Variants in PRKAR1B observed in about 807,000 individuals in gnomAD.
PRKAR1B encodes the protein protein kinase cAMP-dependent type I regulatory subunit beta, also known as cAMP-dependent protein kinase type I-beta regulatory subunit.
Under a neutral mutation model 46.5 loss-of-function variants are expected in PRKAR1B, and 22 were observed. The observed-to-expected ratio is 0.47, with a 90% CI of 0.34 to 0.68. PRKAR1B has a LOEUF of 0.68. PRKAR1B is among the 30% of genes least tolerant of loss of function. The pLI is 0.01. For missense variants in PRKAR1B, 445 were observed against 535.6 expected, an observed-to-expected ratio of 0.83 and a Z score of 1.67; for synonymous variants, 259 against 217.7, an observed-to-expected ratio of 1.19 and a Z score of -1.67.
At chr7:574,630 G>T (rs534259331) in intron 9 of PRKAR1B, among the ~76,000 whole-genome samples, 1 of 152,300 alleles carries the variant, frequency 6.6e-6, no homozygotes, top group East Asian at 1.9e-4. Flanking sequence ...TTTTAGTAGA[G>T]ATGGGGTTTC....
intron 2 of PRKAR1B, among the ~76,000 whole-genome samples, chr7:682,367 G>T (rs904386750): frequency 1.3e-5 from 2 of 151,918 alleles, no homozygotes; most frequent in Admixed American, 1.3e-4. Flanking sequence ...GGTGGCTCAC[G>T]CCTATAATCC....
At chr7:610,813 T>C (rs1782439503) in intron 4 of PRKAR1B, among the ~76,000 whole-genome samples, 1 of 152,376 alleles carries the variant, frequency 6.6e-6, no homozygotes, top group African/African-American at 2.4e-5. Context: ...GCAGTCACTC[T>C]GGAAGGTTAC....
chr7:579,224 C>T (rs1451746940), intron 9 of PRKAR1B, 32 bp downstream of exon 9: 3 of 1,613,820 alleles, frequency 1.9e-6, no homozygotes, highest in South Asian at 1.1e-5. Context: ...CCAGTGCACA[C>T]CCAGAGCGCC....
At position 593,542 on chromosome 7, in the gene PRKAR1B, G is replaced by A. The variant is rs28402081; in HGVS notation, c.708+2604C>T. Among the ~76,000 whole-genome samples, 2 of 152,098 alleles carry A rather than the reference G, an allele frequency of 1.3e-5. No homozygotes were observed. Among genetic ancestry groups the A allele is most frequent in the Non-Finnish European group, 2.9e-5 (2 of 67,990 alleles). ...AAAAATCCCCCAGCCGGGAGCGACA[G>A]GGCGTCAAGGATGGTGGGGAAACGG... On this transcript the variant is annotated intron_variant, in intron 7 of 10. Transcript: ENST00000537384. This position sits in a 1 kb window ranked among gnomAD's most constrained non-coding sequence, Gnocchi z 6.1.
chr7:570,883 C>T (rs1038066007), intron 9 of PRKAR1B, among the ~76,000 whole-genome samples: 14 of 152,082 alleles, frequency 9.2e-5, no homozygotes. Flanking sequence ...CCAAGCGACA[C>T]CACTCCCAGC....
Position 549,684 on chromosome 7 carries a change from T to C in PRKAR1B, c.*746A>G. 6.6e-6 allele frequency: 1 copy of C among 152,062 alleles called. No individual in the cohort carries two copies. The highest frequency in any genetic ancestry group is 1.5e-5 in the Non-Finnish European group (1 of 68,028). The allele number at this position is 152,062 out of a possible 1,614,324, so 9.4% of individuals were successfully genotyped here. On this transcript the variant is annotated 3_prime_UTR_variant, in exon 11 of 11. Coordinates refer to ENST00000537384, the MANE Select transcript of PRKAR1B (RefSeq NM_001164760.2). ...GAAAGGTGAGGACGGCCTGCTGGAG[T>C]CCCGCCAGCCCCTCCCAAAGGAACT...
At chr7:613,611 C>T (rs978616279) in intron 4 of PRKAR1B, among the ~76,000 whole-genome samples, 12 of 152,300 alleles carry the variant, frequency 7.9e-5, no homozygotes, top group African/African-American at 2.6e-4. Flanking sequence ...AGTAACTCAG[C>T]CCATCGTTCC....
intron 7 of PRKAR1B, among the ~76,000 whole-genome samples, chr7:590,915 C>A (rs1342264197): frequency 2.0e-5 from 3 of 152,186 alleles, no homozygotes; most frequent in African/African-American, 7.2e-5. Context: ...GCGTGTCTGC[C>A]CCCGAGAGCG....
At position 553,578 on chromosome 7, in the gene PRKAR1B, G is replaced by A. The variant is rs76787937; in HGVS notation, c.892-2108C>T. Among the ~76,000 whole-genome samples the A allele has an allele frequency of 0.012, 1,901 of 152,278 alleles. 59 individuals are homozygous for A. The East Asian group carries it at 0.14, about 11-fold the overall frequency. ...GGATCACGTCCCCACAGCCCCAGCC[G>A]GCCTGGCAGACGGCGGCCCTCTGAG... On this transcript the variant is annotated intron_variant, in intron 9 of 10. Transcript: ENST00000537384.
intron 4 of PRKAR1B, among the ~76,000 whole-genome samples, chr7:663,903 G>C (rs551589044): frequency 1.3e-5 from 2 of 152,166 alleles, no homozygotes; most frequent in Admixed American, 1.3e-4. Context: ...ACAGGTGGGC[G>C]TGCAGGGCCT....
At chr7:680,749 G>A (rs780833197) in intron 2 of PRKAR1B, 23 bp from the exon 3 acceptor site, 13 of 1,613,358 alleles carry the variant, frequency 8.1e-6, no homozygotes, top group Non-Finnish European at 1.1e-5. Flanking sequence ...GGAAAACACA[G>A]AAAGGAAGTA....
chr7:611,696 G>C (rs1303451556), intron 4 of PRKAR1B, among the ~76,000 whole-genome samples: 1 of 152,258 alleles, frequency 6.6e-6, no homozygotes, highest in Non-Finnish European at 1.5e-5. Flanking sequence ...CAATATGGAT[G>C]GTTGGATGGG....
chr7:598,871 A>C (rs1371261630), intron 6 of PRKAR1B, among the ~76,000 whole-genome samples: 3 of 152,252 alleles, frequency 2.0e-5, no homozygotes, highest in African/African-American at 7.2e-5. Context: ...ATGGCTGCCC[A>C]GGCAAGTGGC....
intron 9 of PRKAR1B, among the ~76,000 whole-genome samples, chr7:566,697 C>CCAT (rs1554283662): frequency 0.5 from 4 of 8 alleles, 2 homozygotes; most frequent in African/African-American, 1. Context: ...ATCACCATCA[C>CCAT]CTTCATCATC....
At chr7:658,849 T>C (rs753449686) in intron 4 of PRKAR1B, among the ~76,000 whole-genome samples, 116 of 152,016 alleles carry the variant, frequency 7.6e-4, no homozygotes, top group Non-Finnish European at 1.3e-3. Flanking sequence ...CAGGGTTTTG[T>C]CATGTTGGAC....
intron 4 of PRKAR1B, among the ~76,000 whole-genome samples, chr7:625,397 G>T (rs1783329855): frequency 6.6e-6 from 1 of 152,032 alleles, no homozygotes; most frequent in Admixed American, 6.6e-5. Flanking sequence ...AGAAAAGTAA[G>T]AATAAAAATT....
intron 9 of PRKAR1B, among the ~76,000 whole-genome samples, chr7:569,964 G>A (rs1445600603): frequency 2.6e-5 from 4 of 152,230 alleles, no homozygotes; most frequent in Non-Finnish European, 5.9e-5. Context: ...CAGCCCCGGG[G>A]TTCTGGAAAA....
At chr7:555,322 T>G (rs945465650) in intron 9 of PRKAR1B, among the ~76,000 whole-genome samples, 3 of 151,994 alleles carry the variant, frequency 2.0e-5, no homozygotes, top group African/African-American at 7.3e-5. Context: ...ACACCACACT[T>G]TGTCACTAGT....
chr7:664,103 G>A (rs1247583527), intron 4 of PRKAR1B, among the ~76,000 whole-genome samples: 3 of 152,120 alleles, frequency 2.0e-5, no homozygotes, highest in Non-Finnish European at 4.4e-5. Context: ...TCCATGGAGG[G>A]CCCTCCCCAC....
Sources: allele counts gnomAD v4.1 joint callset (sites outside exome capture counted in the v4.1 genomes callset), GRCh38; gene constraint gnomAD v4.1.1; non-coding constraint Gnocchi (gnomAD v3.1); transcripts MANE v1.5; gene names NCBI Gene and HGNC (gene_info 2026-07-23, HGNC 2026-07-21).